The following USP25 variants were observed in gnomAD, a reference collection of about 807,000 sequenced individuals.
The protein encoded by USP25 is ubiquitin specific peptidase 25, also known as ubiquitin carboxyl-terminal hydrolase 25.
USP25 carries 85 observed loss-of-function variants against 158.5 expected under a neutral mutation model. That is an observed-to-expected ratio of 0.54 (90% CI 0.45 to 0.64). The LOEUF (loss-of-function observed/expected upper bound fraction) is 0.64, where lower values mean the gene tolerates loss of function less well. Among genes scored for constraint, USP25 ranks in the 30% least tolerant of loss-of-function variants. The pLI is 0.00. For missense variants in USP25, 1,242 were observed against 1,327.3 expected (o/e 0.94, Z 1.00); for synonymous variants, 464 against 460.4 (o/e 1.01, Z -0.10).
chr21:15,821,547 T>G (rs1488966385), intron 10 of USP25, among the ~76,000 whole-genome samples: 1 of 151,960 alleles, frequency 6.6e-6, no homozygotes, highest in Non-Finnish European at 1.5e-5. Flanking sequence ...TTTACAAAGC[T>G]TTAAAAACAA....
chr21:15,851,032 T>G, intron 20 of USP25, among the ~76,000 whole-genome samples: 1 of 152,048 alleles, frequency 6.6e-6, no homozygotes, highest in South Asian at 2.1e-4. Flanking sequence ...CATTTCTTTA[T>G]AGTTTCTAGG....
intron 22 of USP25, 84 bp downstream of exon 22, chr21:15,866,428 G>C: frequency 1.0e-6 from 1 of 999,386 alleles, no homozygotes; most frequent in East Asian, 2.9e-5. Flanking sequence ...CCCAACTGAA[G>C]TTGAATTTGT....
chr21:15,757,832 A>G (rs1436979647), intron 1 of USP25, among the ~76,000 whole-genome samples: 3 of 152,234 alleles, frequency 2.0e-5, no homozygotes, highest in East Asian at 1.9e-4. Flanking sequence ...GGCAAAGAGT[A>G]TGAATACAGG....
At chr21:15,852,633 T>C (rs1378466689) in intron 20 of USP25, among the ~76,000 whole-genome samples, 1 of 152,184 alleles carries the variant, frequency 6.6e-6, no homozygotes, top group Non-Finnish European at 1.5e-5. Context: ...GCCATATCTG[T>C]GTCAAGGACC....
chr21:15,872,361 C>T (rs938059246), intron 23 of USP25, among the ~76,000 whole-genome samples: 2 of 152,076 alleles, frequency 1.3e-5, no homozygotes, highest in Admixed American at 6.6e-5. Flanking sequence ...GAACATTTTG[C>T]GTACCTCAGT....
intron 1 of USP25, among the ~76,000 whole-genome samples, chr21:15,760,568 C>T (rs766398225): frequency 6.6e-6 from 1 of 152,172 alleles, no homozygotes; most frequent in Non-Finnish European, 1.5e-5. Flanking sequence ...TTAAACCTTT[C>T]ATGTAATTTG....
intron 4 of USP25, among the ~76,000 whole-genome samples, chr21:15,780,283 T>C (rs1039662764): frequency 5.9e-5 from 9 of 152,240 alleles, no homozygotes; most frequent in Non-Finnish European, 1.3e-4. Flanking sequence ...CTTAGAATCC[T>C]GTGTTTAGGC....
At chr21:15,823,161 G>T (rs1206291692) in intron 10 of USP25, among the ~76,000 whole-genome samples, 2 of 151,908 alleles carry the variant, frequency 1.3e-5, no homozygotes, top group East Asian at 1.9e-4. Flanking sequence ...CAGCAGTTTC[G>T]CATATTGCAG....
At chr21:15,742,822 A>C (rs1407902161) in intron 1 of USP25, among the ~76,000 whole-genome samples, 1 of 152,214 alleles carries the variant, frequency 6.6e-6, no homozygotes, top group Non-Finnish European at 1.5e-5. Flanking sequence ...TGCTCGGCCC[A>C]GCAGGGTGCT....
rs542480085 is a variant in USP25, at chr21:15,871,413, GAT to G, written c.2885+1270_2885+1271del. 2.4e-3 allele frequency among the ~76,000 whole-genome samples: 361 copies of G among 152,234 alleles called. 4 individuals carry two copies. The highest frequency in any genetic ancestry group is 8.2e-3 in the African/African-American group (341 of 41,542). On this transcript the variant is annotated intron_variant, in intron 23 of 25. Coordinates refer to ENST00000400183, the MANE Select transcript of USP25 (RefSeq NM_001283041.3). ...GTGATCGTATAATTCAATAGAGTGA[GAT>G]ATAAAAAGGCATTTCAGTGTTACAG... is the stretch of plus-strand genomic sequence containing the variant.
In USP25 at chr21:15,874,278, TA is replaced by T. The variant is rs548420514; in HGVS notation, c.2886-124del. 63 of 858,028 alleles carry T rather than the reference TA, an allele frequency of 7.3e-5. No individual in the cohort carries two copies. In the South Asian group the frequency reaches 1.2e-3, roughly 16 times the overall value. 53.2% of individuals were successfully genotyped at this position (858,028 alleles called of 1,614,324 possible). On this transcript the variant is annotated intron_variant, in intron 23 of 25. Coordinates refer to ENST00000400183, the MANE Select transcript of USP25 (RefSeq NM_001283041.3). Reference sequence around the variant, plus strand: ...CTCAAGCATACACTGCGTCAGATGATATTTTTTATTATAATGTAGATTATCA... The same window carrying T: ...CTCAAGCATACACTGCGTCAGATGATTTTTTTATTATAATGTAGATTATCA...
rs1422134819 is a variant in USP25, at chr21:15,824,063, G to C, written c.1105G>C (p.Val369Leu). The C allele has an allele frequency of 6.2e-7, 1 of 1,613,378 alleles. No homozygotes were observed. The highest frequency in any genetic ancestry group is 1.1e-5 in the South Asian group (1 of 91,010). Reference sequence around the variant, plus strand: ...GCATTGGTTTACTGAATTACCACCTGTGTTAACATTTGAATTGTCAAGATT... The same window carrying C: ...GCATTGGTTTACTGAATTACCACCTCTGTTAACATTTGAATTGTCAAGATT... Reference protein sequence around the residue: ...QEHWFTELPPVLTFELSRFEF... With the variant: ...QEHWFTELPPLLTFELSRFEF... The change falls in exon 11 of 26, where the codon GTG (valine) becomes CTG (leucine). Residue 369 changes from valine to leucine, a missense_variant. By Grantham distance (32) the Val-to-Leu change is conservative (BLOSUM62 1). This residue lies in a region of USP25 where 627 missense variants were observed against 701.4 expected (regional missense o/e 0.89). Coordinates refer to ENST00000400183, the MANE Select transcript of USP25 (RefSeq NM_001283041.3).
intron 1 of USP25, among the ~76,000 whole-genome samples, chr21:15,748,680 T>C (rs2032761359): frequency 6.6e-6 from 1 of 152,104 alleles, no homozygotes; most frequent in Non-Finnish European, 1.5e-5. Flanking sequence ...TTCTGTTGGG[T>C]AGCTCTTATG....
intron 7 of USP25, among the ~76,000 whole-genome samples, chr21:15,805,956 A>T (rs193106084): frequency 3.4e-4 from 51 of 152,196 alleles, no homozygotes; most frequent in South Asian, 6.2e-4. Context: ...TTTGTGATGT[A>T]TGGAGAGGGC....
chr21:15,842,633 G>GA, intron 18 of USP25, 93 bp downstream of exon 18: 1 of 1,478,448 alleles, frequency 6.8e-7, no homozygotes, highest in Non-Finnish European at 9.1e-7. Context: ...AGTCAGGAGA[G>GA]ACGGGGCCCA....
Position 15,747,443 on chromosome 21 carries a change from T to A in USP25, c.46-15448T>A, listed in dbSNP as rs1370227940. The stretch of plus-strand genomic sequence containing the variant: ...ATCTATATATACCTGTGATAAAGTT[T>A]AATTTATAAATTAGGCACTATATAA... On this transcript the variant is annotated intron_variant, in intron 1 of 25. Coordinates refer to ENST00000400183, the MANE Select transcript of USP25 (RefSeq NM_001283041.3). Among the ~76,000 whole-genome samples the A allele has an allele frequency of 2.6e-5, 4 of 151,892 alleles. No homozygotes were observed. In the East Asian group the frequency reaches 7.7e-4, roughly 29 times the overall value.
At chr21:15,864,246 T>C in intron 20 of USP25, 22 bp from the exon 21 acceptor site, 13 of 1,589,020 alleles carry the variant, frequency 8.2e-6, no homozygotes, top group Non-Finnish European at 1.1e-5. Flanking sequence ...ACCAAAATTA[T>C]CATTTTCATT....
At chr21:15,734,904 C>T (rs748022665) in intron 1 of USP25, among the ~76,000 whole-genome samples, 23 of 152,036 alleles carry the variant, frequency 1.5e-4, no homozygotes, top group Admixed American at 2.6e-4. Flanking sequence ...CCGTGTAAGG[C>T]GCTGTGCTGA....
intron 1 of USP25, among the ~76,000 whole-genome samples, chr21:15,756,588 GGAAA>G (rs1319289970): frequency 1.3e-5 from 2 of 151,972 alleles, no homozygotes; most frequent in African/African-American, 2.4e-5. Context: ...ACCTGAGAAG[GGAAA>G]GAATTTCTAT....
Sources: gnomAD v4.1 joint callset for allele counts (sites outside exome capture counted in the v4.1 genomes callset) on GRCh38, gnomAD v4.1.1 for gene constraint, gnomAD v4.1.1 regional missense constraint, MANE v1.5 for transcripts, NCBI Gene and HGNC (gene_info 2026-07-23, HGNC 2026-07-21) for gene names.